MCC: variants seen among roughly 807,000 people sequenced by gnomAD.
MCC encodes MCC regulator of Wnt signaling pathway, also known as colorectal mutant cancer protein.
In MCC, 90 loss-of-function variants were observed where a neutral mutation model predicts 116.2. The ratio of observed to expected loss-of-function variants is 0.77; its 90% CI spans 0.65 to 0.92. The LOEUF (loss-of-function observed/expected upper bound fraction) is 0.92, where lower values mean the gene tolerates loss of function less well. Ranked by LOEUF, MCC falls within the 40% of genes least tolerant of loss-of-function variation. MCC has a pLI of 0.00. For synonymous variants in MCC, 578 were observed against 510.5 expected (o/e 1.13, Z -1.78); for missense variants, 1,516 against 1,312.2 (o/e 1.16, Z -2.40).
chr5:113,416,502 T>C (rs1452316047), intron 1 of MCC, among the ~76,000 whole-genome samples: 1 of 152,200 alleles, frequency 6.6e-6, no homozygotes, highest in African/African-American at 2.4e-5. Context: ...TGGAAAAGTT[T>C]CTAATAATAA....
intron 2 of MCC, among the ~76,000 whole-genome samples, chr5:113,368,968 G>T (rs1291203408): frequency 6.6e-6 from 1 of 152,140 alleles, no homozygotes; most frequent in Non-Finnish European, 1.5e-5. Context: ...GTGGCTCACA[G>T]AACTCAGGGA....
chr5:113,145,736 T>C (rs1366400032), intron 4 of MCC, among the ~76,000 whole-genome samples: 1 of 127,632 alleles, frequency 7.8e-6, no homozygotes, highest in East Asian at 2.4e-4. Flanking sequence ...ATAAACTTGC[T>C]TACACACACA....
chr5:113,448,478 T>C (rs770233374), intron 1 of MCC, among the ~76,000 whole-genome samples: 1 of 152,192 alleles, frequency 6.6e-6, no homozygotes. Flanking sequence ...AGAAAGGCCA[T>C]AATGACCTTA....
intron 1 of MCC, among the ~76,000 whole-genome samples, chr5:113,404,752 A>C (rs918083970): frequency 3.3e-5 from 5 of 152,172 alleles, no homozygotes; most frequent in Non-Finnish European, 5.9e-5. Context: ...TGAATACTAA[A>C]CAGTCTTCCA....
chr5:113,226,471 C>G (rs1158323245), intron 3 of MCC, among the ~76,000 whole-genome samples: 1 of 152,198 alleles, frequency 6.6e-6, no homozygotes, highest in Non-Finnish European at 1.5e-5. Context: ...TTGTGGCACC[C>G]ACGCAAAGAA....
intron 9 of MCC, among the ~76,000 whole-genome samples, 153 bp downstream of exon 9, chr5:113,085,011 C>T (rs921587627): frequency 6.6e-6 from 1 of 152,250 alleles, no homozygotes; most frequent in Admixed American, 6.5e-5. Flanking sequence ...TCTCTCCTTG[C>T]AGCTCCTGCA....
At chr5:113,482,936 G>A (rs1772416508) in intron 1 of MCC, among the ~76,000 whole-genome samples, 1 of 152,144 alleles carries the variant, frequency 6.6e-6, no homozygotes, top group African/African-American at 2.4e-5. Flanking sequence ...TAGATGGTGT[G>A]AGGAAAGTGT....
chr5:113,138,298 AC>A (rs1462254650), intron 5 of MCC, among the ~76,000 whole-genome samples: 1 of 152,214 alleles, frequency 6.6e-6, no homozygotes, highest in African/African-American at 2.4e-5. Flanking sequence ...GGCATGAGCC[AC>A]CACGCCTGGC....
chr5:113,476,897 G>C (rs147731405), intron 1 of MCC, among the ~76,000 whole-genome samples: 2 of 152,178 alleles, frequency 1.3e-5, no homozygotes, highest in Non-Finnish European at 2.9e-5. Context: ...TATGTAGTAC[G>C]TCAATTATAT....
chr5:113,155,228 T>C (rs1339903512), intron 3 of MCC, among the ~76,000 whole-genome samples: 1 of 152,246 alleles, frequency 6.6e-6, no homozygotes, highest in Admixed American at 6.5e-5. Context: ...CTCTTTATTA[T>C]GGCTGAATAA....
intron 2 of MCC, among the ~76,000 whole-genome samples, chr5:113,349,283 T>C (rs1007015682): frequency 5.3e-5 from 8 of 152,110 alleles, no homozygotes; most frequent in African/African-American, 2.4e-5. Context: ...TGAACACTGA[T>C]GCAAAAATCC....
chr5:113,027,601 C>G lies in MCC; in HGVS notation c.2880-119G>C, dbSNP rs1750647895. The G allele has an allele frequency of 5.4e-6, 5 of 919,114 alleles. No individual in the cohort carries two copies. The South Asian group carries it at 6.3e-5, about 12-fold the overall frequency. 56.9% of individuals were successfully genotyped at this position (919,114 alleles called of 1,614,324 possible). On this transcript the variant is annotated intron_variant, in intron 18 of 18. Coordinates refer to ENST00000408903, the MANE Select transcript of MCC (RefSeq NM_001085377.2). ...CTGCTCTGAAGAAAGATCACTCATC[C>G]TCTTCGGTAAGAATCTGAAATCTAG...
chr5:113,226,014 A>C (rs572994114), intron 3 of MCC, among the ~76,000 whole-genome samples: 1 of 152,238 alleles, frequency 6.6e-6, no homozygotes, highest in Non-Finnish European at 1.5e-5. Flanking sequence ...CTCTATTAAA[A>C]ATACAAAACA....
intron 3 of MCC, chr5:113,323,383 C>G (rs1767473386): frequency 6.6e-6 from 1 of 152,204 alleles, no homozygotes; most frequent in South Asian, 2.1e-4. Context: ...TGAGAACACA[C>G]CTACTTAAAC....
chr5:113,261,691 A>G (rs917557681), intron 3 of MCC, among the ~76,000 whole-genome samples: 3 of 152,340 alleles, frequency 2.0e-5, no homozygotes, highest in Non-Finnish European at 2.9e-5. Context: ...AAATAAATTA[A>G]ATACACATCC....
chr5:113,459,019 C>G (rs1771662019), intron 1 of MCC, among the ~76,000 whole-genome samples: 1 of 152,056 alleles, frequency 6.6e-6, no homozygotes, highest in South Asian at 2.1e-4. Flanking sequence ...TTGCCAGACA[C>G]CAGCCTCTCC....
chr5:113,030,107 G>A (rs3857434), intron 17 of MCC, among the ~76,000 whole-genome samples: 62,785 of 152,104 alleles, frequency 0.41, 15,250 homozygotes, highest in East Asian at 0.63. Context: ...AGGACTCACT[G>A]TATGTAGAAT....
intron 1 of MCC, among the ~76,000 whole-genome samples, chr5:113,445,161 A>T (rs1015193953): frequency 2.0e-5 from 3 of 152,168 alleles, no homozygotes; most frequent in Non-Finnish European, 2.9e-5. Context: ...TTATTTATCT[A>T]AGTTCTGAAT....
chr5:113,051,367 A>G (rs1752479918), intron 15 of MCC, among the ~76,000 whole-genome samples: 5 of 152,240 alleles, frequency 3.3e-5, no homozygotes, highest in Admixed American at 6.5e-5. Flanking sequence ...CAAAACTAGA[A>G]AATAAAGATT....
Sources: gnomAD v4.1 joint callset for allele counts (sites outside exome capture counted in the v4.1 genomes callset) on GRCh38, gnomAD v4.1.1 for gene constraint, MANE v1.5 for transcripts, NCBI Gene and HGNC (gene_info 2026-07-23, HGNC 2026-07-21) for gene names.